IQCH: variants seen among roughly 807,000 people sequenced by gnomAD.
IQCH encodes IQ motif containing H.
A neutral mutation model predicts 117.0 loss-of-function variants in IQCH; 98 were observed. That is an observed-to-expected ratio of 0.84 (90% CI 0.71 to 0.99). IQCH has a LOEUF of 0.99. IQCH is among the 50% of genes least tolerant of loss of function. The pLI, the probability that IQCH is intolerant of heterozygous loss-of-function variation, is 0.00. For synonymous variants in IQCH, 412 were observed against 448.2 expected (o/e 0.92, Z 1.02); for missense variants, 1,102 against 1,243.8 (o/e 0.89, Z 1.72).
In IQCH at chr15:67,454,310, T is replaced by G. The variant is rs750882841; in HGVS notation, c.2506-10817T>G. Among the ~76,000 whole-genome samples the G allele has an allele frequency of 1.7e-4, 26 of 152,364 alleles. No homozygotes were observed. The highest frequency in any genetic ancestry group is 2.8e-4 in the Non-Finnish European group (19 of 68,032). The stretch of plus-strand genomic sequence containing the variant: ...GTTGGAAATGCAGAAATCACCCGTC[T>G]TCTGCGTCGCTCACGCTGGGAGCTG... On this transcript the variant is annotated intron_variant, in intron 16 of 20. Transcript: ENST00000335894. The surrounding 1 kb of genome is among the most constrained non-coding windows in gnomAD (Gnocchi z 5.2).
At chr15:67,451,022 T>C (rs201647473) in intron 16 of IQCH, among the ~76,000 whole-genome samples, 6 of 152,370 alleles carry the variant, frequency 3.9e-5, no homozygotes, top group South Asian at 2.1e-4. Flanking sequence ...GAGGTGTTTA[T>C]AGTATTCTCT....
At chr15:67,256,202 G>T (rs1385358298) in intron 1 of IQCH, among the ~76,000 whole-genome samples, 1 of 152,236 alleles carries the variant, frequency 6.6e-6, no homozygotes, top group Non-Finnish European at 1.5e-5. Flanking sequence ...ACAGAGTCCA[G>T]GAGGGGTACA....
Position 67,476,520 on chromosome 15 carries a change from C to A in IQCH, c.2799+702C>A, listed in dbSNP as rs1449615960. 3.9e-5 allele frequency among the ~76,000 whole-genome samples: 6 copies of A among 152,198 alleles called. No homozygotes were observed. In the East Asian group the frequency reaches 1.2e-3, roughly 29 times the overall value. ...AGGACACAATTCAGTCCATAGCATC[C>A]TCCTACTGATATTTGATAATTTATT... is the stretch of plus-strand genomic sequence containing the variant. On this transcript the variant is annotated intron_variant, in intron 18 of 20. Transcript: ENST00000335894. The surrounding 1 kb of genome is among the most constrained non-coding windows in gnomAD (Gnocchi z 4.1).
At chr15:67,460,684 G>A (rs1345274296) in intron 16 of IQCH, among the ~76,000 whole-genome samples, 2 of 152,204 alleles carry the variant, frequency 1.3e-5, no homozygotes, top group Non-Finnish European at 2.9e-5. Flanking sequence ...GGCAACAAGT[G>A]ATTTCTGACT....
At chr15:67,428,439 T>G (rs1257377522) in intron 16 of IQCH, among the ~76,000 whole-genome samples, 1 of 152,212 alleles carries the variant, frequency 6.6e-6, no homozygotes, top group Non-Finnish European at 1.5e-5. Flanking sequence ...CCCAAATCTG[T>G]GAACATTATG....
rs531500895 is a variant in IQCH, at chr15:67,475,334, C to T, written c.2677-362C>T. Among the ~76,000 whole-genome samples the T allele has an allele frequency of 6.6e-6, 1 of 152,038 alleles. No individual in the cohort carries two copies. The highest frequency in any genetic ancestry group is 2.4e-5 in the African/African-American group (1 of 41,458). ...TCTACAAAAAAATAATAAAGTTAAC[C>T]AGGTGTGGTGGCATGCACCTGTAGT... is the stretch of plus-strand genomic sequence containing the variant. On this transcript the variant is annotated intron_variant, in intron 17 of 20. Coordinates refer to ENST00000335894, the MANE Select transcript of IQCH (RefSeq NM_001031715.3). The surrounding 1 kb of genome is among the most constrained non-coding windows in gnomAD (Gnocchi z 5.7).
In IQCH at chr15:67,447,191, C is replaced by T. The variant is rs1282580819; in HGVS notation, c.2506-17936C>T. Among the ~76,000 whole-genome samples the T allele has an allele frequency of 6.6e-6, 1 of 152,102 alleles. No homozygotes were observed. The highest frequency in any genetic ancestry group is 1.5e-5 in the Non-Finnish European group (1 of 68,022). The stretch of plus-strand genomic sequence containing the variant: ...TGAATACCAAACCCATAAAGTTGTT[C>T]GGAGGATGATATGAGCAAATACCAC... On this transcript the variant is annotated intron_variant, in intron 16 of 20. Coordinates refer to ENST00000335894, the MANE Select transcript of IQCH (RefSeq NM_001031715.3). This position sits in a 1 kb window ranked among gnomAD's most constrained non-coding sequence, Gnocchi z 5.3.
Position 67,496,486 on chromosome 15 carries a change from T to C in IQCH, c.2970+2120T>C, listed in dbSNP as rs1489968254. Among the ~76,000 whole-genome samples, 1 of 152,096 alleles carries C rather than the reference T, an allele frequency of 6.6e-6. No homozygotes were observed. The highest frequency in any genetic ancestry group is 1.5e-5 in the Non-Finnish European group (1 of 68,014). On this transcript the variant is annotated intron_variant, in intron 20 of 20. Coordinates refer to ENST00000335894, the MANE Select transcript of IQCH (RefSeq NM_001031715.3). This position sits in a 1 kb window ranked among gnomAD's most constrained non-coding sequence, Gnocchi z 4.4. ...CAAGATTAGGAACAAGACAAGGGTG[T>C]CTGCTCTTGCCACCTCTATTCATCA...
rs369618511 is a variant in IQCH, at chr15:67,497,742, G to A, written c.2971-2891G>A. Among the ~76,000 whole-genome samples, 1,198 of 152,128 alleles carry A rather than the reference G, an allele frequency of 7.9e-3. 13 individuals are homozygous for A. The highest frequency in any genetic ancestry group is 0.026 in the African/African-American group (1,062 of 41,520). On this transcript the variant is annotated intron_variant, in intron 20 of 20. Coordinates refer to ENST00000335894, the MANE Select transcript of IQCH (RefSeq NM_001031715.3). ...CCTGACCTCGTGATCCGCCCGCCTC[G>A]GCCTCCCAAAGTGCTGGGATTACAG...
chr15:67,377,124 A>AAAAAAAAG (rs1248169982), intron 10 of IQCH, among the ~76,000 whole-genome samples: 1 of 150,202 alleles, frequency 6.7e-6, no homozygotes, highest in African/African-American at 2.5e-5. Flanking sequence ...TCAAAAAAAA[A>AAAAAAAAG]AAAAAAAGAA....
chr15:67,457,451 A>G lies in IQCH; in HGVS notation c.2506-7676A>G, dbSNP rs1596418019. ...AGGCCTGTATTTAAATAGCATCTGC[A>G]AAGAGTTAAATGTGCTCCCTGTCTC... On this transcript the variant is annotated intron_variant, in intron 16 of 20. Coordinates refer to ENST00000335894, the MANE Select transcript of IQCH (RefSeq NM_001031715.3). This position sits in a 1 kb window ranked among gnomAD's most constrained non-coding sequence, Gnocchi z 5.7. Among the ~76,000 whole-genome samples, 1 of 152,348 alleles carries G rather than the reference A, an allele frequency of 6.6e-6. No homozygotes were observed. The highest frequency in any genetic ancestry group is 1.9e-4 in the East Asian group (1 of 5,184).
chr15:67,270,080 A>G (rs535362932), intron 3 of IQCH, among the ~76,000 whole-genome samples: 1 of 152,142 alleles, frequency 6.6e-6, no homozygotes, highest in Non-Finnish European at 1.5e-5. Context: ...CATAGTGGGT[A>G]TACTTTGCTG....
In IQCH at chr15:67,425,445, C is replaced by G. The variant is rs2081862180; in HGVS notation, c.2505+3868C>G. ...TGGCCAATATGGTGAAACCCCATCT[C>G]TACTAAAAATACAAAAATTAGCTGG... On this transcript the variant is annotated intron_variant, in intron 16 of 20. Transcript: ENST00000335894. This position sits in a 1 kb window ranked among gnomAD's most constrained non-coding sequence, Gnocchi z 5.5. Among the ~76,000 whole-genome samples, 1 of 152,120 alleles carries G rather than the reference C, an allele frequency of 6.6e-6. No individual in the cohort carries two copies. Among genetic ancestry groups the G allele is most frequent in the African/African-American group, 2.4e-5 (1 of 41,422 alleles).
At chr15:67,295,029 CTGA>C (rs1966843689) in intron 4 of IQCH, among the ~76,000 whole-genome samples, 1 of 152,156 alleles carries the variant, frequency 6.6e-6, no homozygotes, top group African/African-American at 2.4e-5. Flanking sequence ...CTAAACTCAG[CTGA>C]TAAGTGCTAT....
chr15:67,260,727 GA>G (rs1414799613), intron 1 of IQCH, among the ~76,000 whole-genome samples: 1 of 152,094 alleles, frequency 6.6e-6, no homozygotes, highest in Admixed American at 6.5e-5. Context: ...TCTCATGGGA[GA>G]AGGAAAAACA....
chr15:67,419,621 A>G (rs777545549), intron 15 of IQCH, among the ~76,000 whole-genome samples: 1 of 152,174 alleles, frequency 6.6e-6, no homozygotes, highest in Non-Finnish European at 1.5e-5. Flanking sequence ...TGGCACAATT[A>G]TAGCTCACTG....
At chr15:67,371,570 AC>A (rs1970535029) in intron 8 of IQCH, 1 of 1,237,158 alleles carries the variant, frequency 8.1e-7, no homozygotes, top group Admixed American at 2.0e-5. Context: ...TGTAAAAATG[AC>A]CTCTGGATAT....
intron 4 of IQCH, among the ~76,000 whole-genome samples, chr15:67,334,392 C>G (rs1968801333): frequency 6.6e-6 from 1 of 152,112 alleles, no homozygotes; most frequent in Non-Finnish European, 1.5e-5. Context: ...TACCCATACC[C>G]TATACTCCAG....
chr15:67,288,348 A>T (rs1038164464), intron 4 of IQCH, among the ~76,000 whole-genome samples: 1 of 152,104 alleles, frequency 6.6e-6, no homozygotes, highest in African/African-American at 2.4e-5. Context: ...GGGGTGTTGA[A>T]GTCTCCAGCT....
Sources: allele counts gnomAD v4.1 joint callset (sites outside exome capture counted in the v4.1 genomes callset), GRCh38; gene constraint gnomAD v4.1.1; non-coding constraint Gnocchi (gnomAD v3.1); transcripts MANE v1.5; gene names NCBI Gene and HGNC (gene_info 2026-07-23, HGNC 2026-07-21).